SIDT1: variants seen among roughly 807,000 people sequenced by gnomAD.
SIDT1 encodes SID1 transmembrane family, member 1.
In SIDT1, 101 loss-of-function variants were observed where a neutral mutation model predicts 107.5. The ratio of observed to expected loss-of-function variants is 0.94; its 90% CI spans 0.80 to 1.11. The LOEUF (loss-of-function observed/expected upper bound fraction) is 1.11, where lower values mean the gene tolerates loss of function less well. Among genes scored for constraint, SIDT1 ranks in the 50% least tolerant of loss-of-function variants. The pLI is 0.00. For missense variants in SIDT1, 1,076 were observed against 1,058.2 expected (o/e 1.02, Z -0.23); for synonymous variants, 395 against 398.2 (o/e 0.99, Z 0.10).
chr3:113,635,633 G>T, the SIDT1 span, among the ~76,000 whole-genome samples: 1 of 152,184 alleles, frequency 6.6e-6, no homozygotes, highest in African/African-American at 2.4e-5. Flanking sequence ...TTGGGAGGCT[G>T]AGGCAAGCGG....
chr3:113,612,285 A>C, intron 19 of SIDT1, 91 bp downstream of exon 19: 1 of 910,638 alleles, frequency 1.1e-6, no homozygotes, highest in Non-Finnish European at 1.8e-6. Flanking sequence ...TGAAAGTGTC[A>C]CTGGTCACCG....
At chr3:113,540,418 C>G (rs1288938790) in intron 1 of SIDT1, among the ~76,000 whole-genome samples, 1 of 152,126 alleles carries the variant, frequency 6.6e-6, no homozygotes, top group East Asian at 1.9e-4. Context: ...TTTTAGAAAA[C>G]AATACTAACA....
intron 21 of SIDT1, among the ~76,000 whole-genome samples, chr3:113,620,938 T>C (rs554463271): frequency 3.2e-4 from 48 of 152,232 alleles, no homozygotes; most frequent in African/African-American, 9.6e-4. Context: ...ACAAGGCAAA[T>C]GGCCTCTCTT....
intron 1 of SIDT1, among the ~76,000 whole-genome samples, chr3:113,559,136 T>C (rs549447413): frequency 6.6e-6 from 1 of 152,246 alleles, no homozygotes; most frequent in Non-Finnish European, 1.5e-5. Flanking sequence ...TTGCAACCAA[T>C]GCTTGCAGTG....
chr3:113,567,733 A>G (rs1180067197), intron 3 of SIDT1, 23 bp downstream of exon 3: 2 of 1,609,638 alleles, frequency 1.2e-6, no homozygotes, highest in Non-Finnish European at 1.7e-6. Flanking sequence ...TTCTCTGTTT[A>G]CCTGTCTGTG....
chr3:113,611,289 A>G, intron 18 of SIDT1, 145 bp downstream of exon 18: 5 of 973,432 alleles, frequency 5.1e-6, no homozygotes, highest in Non-Finnish European at 7.5e-6. Flanking sequence ...ATTTCATCTC[A>G]TGACACACTT....
intron 1 of SIDT1, among the ~76,000 whole-genome samples, chr3:113,537,908 T>A (rs988924662): frequency 8.5e-5 from 13 of 152,274 alleles, no homozygotes; most frequent in Middle Eastern, 3.4e-3. Flanking sequence ...TCAGCCTTGC[T>A]AGTAGCTGGG....
At chr3:113,601,152 A>G (rs560290618) in intron 10 of SIDT1, among the ~76,000 whole-genome samples, 5 of 152,306 alleles carry the variant, frequency 3.3e-5, no homozygotes, top group Admixed American at 6.5e-5. Context: ...CACTTTAATT[A>G]TTTTTCTTTA....
rs147089362 is a variant in SIDT1, at chr3:113,581,648, G to A, written c.747+204G>A. ...AGCACTTTGGGAGGCCAAGGCGAGC[G>A]GATCACCTAAAGTCAGGAGTTTGAG... On this transcript the variant is annotated intron_variant, in intron 6 of 24. Coordinates refer to ENST00000264852, the MANE Select transcript of SIDT1 (RefSeq NM_017699.3). 712 of 518,964 alleles carry A rather than the reference G, an allele frequency of 1.4e-3. 13 individuals are homozygous for A. The South Asian group carries it at 0.014, about 10-fold the overall frequency. 32.1% of individuals were successfully genotyped at this position (518,964 alleles called of 1,614,324 possible). A position where few individuals can be genotyped will look rare whatever the true frequency, so the allele number is the denominator to read the frequency against.
At chr3:113,564,862 C>T (rs1941759641) in intron 1 of SIDT1, among the ~76,000 whole-genome samples, 1 of 152,158 alleles carries the variant, frequency 6.6e-6, no homozygotes, top group Non-Finnish European at 1.5e-5. Flanking sequence ...AGAGTGTAGG[C>T]ACAAGAAAAC....
At chr3:113,591,469 G>A (rs1426176518) in intron 9 of SIDT1, among the ~76,000 whole-genome samples, 5 of 151,452 alleles carry the variant, frequency 3.3e-5, no homozygotes, top group Non-Finnish European at 5.9e-5. Context: ...AAAGGGAGAA[G>A]CCAAAACAAT....
chr3:113,608,080 A>T lies in SIDT1; in HGVS notation c.1479-14A>T. The stretch of plus-strand genomic sequence containing the variant: ...GGTCTTGACTCTCTCATGGTCTCTC[A>T]CTCATCCCTGTAGTGCCTTCAACAA... On this transcript the variant is annotated splice_polypyrimidine_tract_variant and intron_variant, in intron 15 of 24. Transcript: ENST00000264852. The T allele has an allele frequency of 6.4e-7, 1 of 1,571,846 alleles. No homozygotes were observed. Among genetic ancestry groups the T allele is most frequent in the Non-Finnish European group, 8.6e-7 (1 of 1,161,154 alleles).
intron 21 of SIDT1, among the ~76,000 whole-genome samples, chr3:113,621,106 G>A (rs565029946): frequency 4.6e-5 from 7 of 152,090 alleles, no homozygotes; most frequent in South Asian, 2.1e-4. Context: ...AATTACTTTC[G>A]TATGGTCCTG....
In SIDT1 at chr3:113,626,176, G is replaced by A. The variant is rs2107862068; in HGVS notation, c.2382G>A (p.Trp794Ter). 1 of 1,613,942 alleles carries A rather than the reference G, an allele frequency of 6.2e-7. No individual in the cohort carries two copies. Among genetic ancestry groups the A allele is most frequent in the Non-Finnish European group, 8.5e-7 (1 of 1,179,898 alleles). The part of the protein sequence containing the change: ...LLDFFDDHDI[W>*]HFLSATALFF... ...ATTTCTTCGATGACCATGACATCTGGCACTTCCTCTCTGCTACTGCTCTGT... is the reference window on the plus strand; with the variant it reads ...ATTTCTTCGATGACCATGACATCTGACACTTCCTCTCTGCTACTGCTCTGT... Residue 794 changes from tryptophan to a stop codon, truncating the protein, a stop_gained, in exon 24 of 25, where the codon TGG becomes TGA. Transcript: ENST00000264852. LOFTEE classifies it high-confidence loss of function.
intron 10 of SIDT1, among the ~76,000 whole-genome samples, chr3:113,594,669 C>G (rs1944409380): frequency 6.6e-6 from 1 of 152,060 alleles, no homozygotes; most frequent in Non-Finnish European, 1.5e-5. Flanking sequence ...TGAAAATTAG[C>G]TAAGAGCTGG....
At chr3:113,610,148 A>G (rs1358231687) in intron 17 of SIDT1, among the ~76,000 whole-genome samples, 1 of 152,214 alleles carries the variant, frequency 6.6e-6, no homozygotes, top group Non-Finnish European at 1.5e-5. Flanking sequence ...CAATTCCTCT[A>G]TTGAACAGCA....
chr3:113,593,377 T>C (rs1944318619), intron 10 of SIDT1, among the ~76,000 whole-genome samples: 1 of 152,206 alleles, frequency 6.6e-6, no homozygotes, highest in African/African-American at 2.4e-5. Flanking sequence ...TAGATTCTCA[T>C]AGGACCGCAA....
intron 1 of SIDT1, among the ~76,000 whole-genome samples, chr3:113,550,638 A>G (rs1940118265): frequency 6.6e-6 from 1 of 152,200 alleles, no homozygotes; most frequent in Admixed American, 6.5e-5. Context: ...GTCCATCGCT[A>G]AAAGAAACAT....
intron 1 of SIDT1, among the ~76,000 whole-genome samples, chr3:113,539,120 C>T (rs150544296): frequency 1.5e-3 from 222 of 152,184 alleles, no homozygotes; most frequent in African/African-American, 5.2e-3. Context: ...GAAATAAATG[C>T]TTTATTTCTT....
Sources: allele counts gnomAD v4.1 joint callset (sites outside exome capture counted in the v4.1 genomes callset), GRCh38; gene constraint gnomAD v4.1.1; transcripts MANE v1.5; gene names NCBI Gene and HGNC (gene_info 2026-07-23, HGNC 2026-07-21).